CACNB2: variants seen among roughly 807,000 people sequenced by gnomAD.
CACNB2 encodes the protein voltage-dependent L-type calcium channel subunit beta-2.
A neutral mutation model predicts 73.3 loss-of-function variants in CACNB2; 42 were observed. The observed-to-expected ratio is 0.57, with a 90% CI of 0.45 to 0.74. CACNB2 has a LOEUF of 0.74. Ranked by LOEUF, CACNB2 falls within the 30% of genes least tolerant of loss-of-function variation. The pLI is 0.00. For synonymous variants in CACNB2, 348 were observed against 310.3 expected (o/e 1.12, Z -1.28); for missense variants, 940 against 853.0 (o/e 1.10, Z -1.27).
At chr10:18,171,069 C>T (rs754376733) in intron 2 of CACNB2, among the ~76,000 whole-genome samples, 1 of 152,146 alleles carries the variant, frequency 6.6e-6, no homozygotes, top group Non-Finnish European at 1.5e-5. Flanking sequence ...CAGAGAAAAT[C>T]GCTGTTCTTG....
chr10:18,452,154 C>T (rs140617481), intron 3 of CACNB2, among the ~76,000 whole-genome samples: 2 of 152,122 alleles, frequency 1.3e-5, no homozygotes, highest in African/African-American at 4.8e-5. Flanking sequence ...CTGGGCATAG[C>T]GATGCACACC....
chr10:18,460,116 A>G (rs1040925829), intron 3 of CACNB2, among the ~76,000 whole-genome samples: 2 of 152,232 alleles, frequency 1.3e-5, no homozygotes, highest in Admixed American at 6.5e-5. Flanking sequence ...GTACACACAT[A>G]TTCTCAAATG....
intron 2 of CACNB2, among the ~76,000 whole-genome samples, chr10:18,386,552 G>A (rs534893659): frequency 6.6e-6 from 1 of 151,842 alleles, no homozygotes; most frequent in South Asian, 2.1e-4. Flanking sequence ...ACAGGCGCCC[G>A]CCACCATGCC....
chr10:18,272,752 G>A (rs538638518), intron 2 of CACNB2, among the ~76,000 whole-genome samples: 20 of 152,278 alleles, frequency 1.3e-4, no homozygotes, highest in South Asian at 1.2e-3. Flanking sequence ...GCCTTCGGCC[G>A]TTGATTGTGA....
intron 11 of CACNB2, 66 bp from the exon 12 acceptor site, chr10:18,536,035 A>G (rs1052177229): frequency 2.1e-5 from 20 of 939,636 alleles, no homozygotes; most frequent in African/African-American, 8.2e-5. Flanking sequence ...AAAGGAGTCA[A>G]TAATGTACCT....
chr10:18,499,473 G>A (rs1564621547), intron 4 of CACNB2, among the ~76,000 whole-genome samples: 1 of 151,896 alleles, frequency 6.6e-6, no homozygotes, highest in Non-Finnish European at 1.5e-5. Flanking sequence ...AAATTATCTG[G>A]GTGTAGTGGC....
At chr10:18,352,148 C>A (rs1374015700) in intron 2 of CACNB2, among the ~76,000 whole-genome samples, 1 of 152,198 alleles carries the variant, frequency 6.6e-6, no homozygotes, top group Non-Finnish European at 1.5e-5. Context: ...CCAAGCCAGC[C>A]TCTGCGTACT....
chr10:18,514,787 C>T (rs775721571), intron 7 of CACNB2, among the ~76,000 whole-genome samples: 1 of 152,224 alleles, frequency 6.6e-6, no homozygotes, highest in Non-Finnish European at 1.5e-5. Context: ...CAAACACTGA[C>T]AGCTCCACAT....
At chr10:18,506,108 T>C (rs150495438) in intron 5 of CACNB2, among the ~76,000 whole-genome samples, 8 of 152,270 alleles carry the variant, frequency 5.3e-5, no homozygotes, top group African/African-American at 1.7e-4. Flanking sequence ...TAATCTTGGG[T>C]GTTAGCCTTA....
At chr10:18,302,319 G>C (rs1198357405) in intron 2 of CACNB2, among the ~76,000 whole-genome samples, 1 of 152,164 alleles carries the variant, frequency 6.6e-6, no homozygotes, top group Non-Finnish European at 1.5e-5. Flanking sequence ...GCTGCTTGCA[G>C]ATCTGCAGCA....
intron 2 of CACNB2, among the ~76,000 whole-genome samples, chr10:18,361,680 C>G (rs1247665849): frequency 6.8e-6 from 1 of 146,214 alleles, no homozygotes; most frequent in African/African-American, 2.5e-5. Flanking sequence ...GTGGCATGAT[C>G]TCAGCTCACT....
chr10:18,315,877 A>G (rs929835170), intron 2 of CACNB2, among the ~76,000 whole-genome samples: 12 of 152,228 alleles, frequency 7.9e-5, no homozygotes, highest in African/African-American at 2.9e-4. Flanking sequence ...TGCAGAGCTG[A>G]AAGTCATGCT....
intron 2 of CACNB2, among the ~76,000 whole-genome samples, chr10:18,281,114 T>C (rs910203224): frequency 1.3e-5 from 2 of 152,220 alleles, no homozygotes; most frequent in Admixed American, 1.3e-4. Context: ...AGACCATCTC[T>C]ATTTGAGTCT....
intron 2 of CACNB2, among the ~76,000 whole-genome samples, chr10:18,361,098 TTAAGTTTTATCTTAAACTCTC>T (rs1224570373): frequency 2.6e-5 from 4 of 152,142 alleles, no homozygotes; most frequent in African/African-American, 9.7e-5. Flanking sequence ...GTGTGTTCCC[TTAAGTTTTATCTTAAACTCTC>T]TTTATTCTTT....
chr10:18,184,349 T>C (rs1484508213), intron 2 of CACNB2, among the ~76,000 whole-genome samples: 1 of 152,236 alleles, frequency 6.6e-6, no homozygotes, highest in African/African-American at 2.4e-5. Flanking sequence ...TTTTGTAATT[T>C]ACTTTTTACT....
intron 2 of CACNB2, among the ~76,000 whole-genome samples, chr10:18,281,209 A>G (rs369969650): frequency 6.6e-6 from 1 of 152,204 alleles, no homozygotes; most frequent in East Asian, 1.9e-4. Flanking sequence ...AGCGTGCCTC[A>G]AGCAGAGAAA....
chr10:18,300,583 C>G (rs563383339), intron 2 of CACNB2, among the ~76,000 whole-genome samples: 1 of 152,186 alleles, frequency 6.6e-6, no homozygotes, highest in Non-Finnish European at 1.5e-5. Context: ...GTTTGTTATG[C>G]CTTTTGGCAA....
chr10:18,526,865 G>A (rs2052520145), intron 9 of CACNB2, among the ~76,000 whole-genome samples: 1 of 152,108 alleles, frequency 6.6e-6, no homozygotes, highest in Non-Finnish European at 1.5e-5. Flanking sequence ...ACAGAGACTA[G>A]GAATATAGGG....
intron 3 of CACNB2, among the ~76,000 whole-genome samples, chr10:18,481,155 C>T (rs1202567836): frequency 1.1e-4 from 14 of 124,798 alleles, no homozygotes; most frequent in South Asian, 2.8e-4. Flanking sequence ...AAATCTTTGA[C>T]CAAGAGGTGA....
Sources: gnomAD v4.1 joint callset for allele counts (sites outside exome capture counted in the v4.1 genomes callset) on GRCh38, gnomAD v4.1.1 for gene constraint, MANE v1.5 for transcripts, NCBI Gene and HGNC (gene_info 2026-07-23, HGNC 2026-07-21) for gene names.